The following ADGRB2 variants were observed in gnomAD, a reference collection of about 807,000 sequenced individuals.
ADGRB2 encodes the protein adhesion G protein-coupled receptor B2, also known as brain-specific angiogenesis inhibitor 2.
In ADGRB2, 47 loss-of-function variants were observed where a neutral mutation model predicts 178.7. The observed-to-expected ratio is 0.26, with a 90% CI of 0.21 to 0.34. ADGRB2 has a LOEUF of 0.34. Among genes scored for constraint, ADGRB2 ranks in the 10% least tolerant of loss-of-function variants. ADGRB2 has a pLI of 1.00. For synonymous variants in ADGRB2, 870 were observed against 912.4 expected, an observed-to-expected ratio of 0.95 and a Z score of 0.84; for missense variants, 1,584 against 2,180.8, an observed-to-expected ratio of 0.73 and a Z score of 5.45.
Position 31,759,821 on chromosome 1 carries a change from G to A in ADGRB2, c.-190-2310C>T, listed in dbSNP as rs142682696. 3.0e-4 allele frequency among the ~76,000 whole-genome samples: 45 copies of A among 152,266 alleles called. No homozygotes were observed. The highest frequency in any genetic ancestry group is 1.0e-3 in the African/African-American group (43 of 41,528). ...CCAGAGGCCTCTCCCTGAGCCACCC[G>A]GGAAGGGGACCTAGAAGGATGATCC... On this transcript the variant is annotated intron_variant, in intron 1 of 32. Coordinates refer to ENST00000373658, the MANE Select transcript of ADGRB2 (RefSeq NM_001364857.2). The surrounding 1 kb of genome is among the most constrained non-coding windows in gnomAD (Gnocchi z 4.3).
Position 31,759,298 on chromosome 1 carries a change from C to T in ADGRB2, c.-190-1787G>A, listed in dbSNP as rs556822818. 4.2e-5 allele frequency: 33 copies of T among 779,700 alleles called. No homozygotes were observed. Among genetic ancestry groups the T allele is most frequent in the South Asian group, 2.8e-4 (21 of 74,618 alleles). The allele number at this position is 779,700 out of a possible 1,614,324, so 48.3% of individuals were successfully genotyped here. On this transcript the variant is annotated intron_variant, in intron 1 of 32. Coordinates refer to ENST00000373658, the MANE Select transcript of ADGRB2 (RefSeq NM_001364857.2). The surrounding 1 kb of genome is among the most constrained non-coding windows in gnomAD (Gnocchi z 4.3). ...TTGTACACATGCACAGAGGTGCACA[C>T]GCATTCTCGACTGAGAACACACATG...
rs1456917849 is a variant in ADGRB2, at chr1:31,756,346, G to A, written c.491C>T (p.Ala164Val). ...CAGGCGCGGGGCCTCGGAGGGCTCA[G>A]CCGACAGGCACAGCTGCACGAAGTT... ...DKNFVQLCLS[A>V]EPSEAPRLLA... The change falls in exon 4 of 33, where the codon GCT becomes GTT. Residue 164 changes from alanine to valine, a missense_variant. Physicochemically the swap from Ala to Val is moderately conservative, Grantham distance 64. This residue lies in a region of ADGRB2 where 657 missense variants were observed against 847.6 expected (regional missense o/e 0.78). Transcript: ENST00000373658. This position sits in a 1 kb window ranked among gnomAD's most constrained non-coding sequence, Gnocchi z 8.5. The A allele has an allele frequency of 1.2e-6, 2 of 1,612,958 alleles. No homozygotes were observed. The highest frequency in any genetic ancestry group is 1.7e-6 in the Non-Finnish European group (2 of 1,179,968).
At position 31,737,632 on chromosome 1, in the gene ADGRB2, G is replaced by A. The variant is rs754740790; in HGVS notation, c.2876+20C>T. 169 of 1,613,058 alleles carry A rather than the reference G, an allele frequency of 1.0e-4. No individual in the cohort carries two copies. Among genetic ancestry groups the A allele is most frequent in the Non-Finnish European group, 1.4e-4 (162 of 1,179,310 alleles). On this transcript the variant is annotated intron_variant, in intron 19 of 32. Transcript: ENST00000373658. ...CCTGCCCCCCCTCCCCCAGCCACAA[G>A]AGCCAGGTGTCAGACCTACCTCCAA...
At position 31,742,077 on chromosome 1, in the gene ADGRB2, C is replaced by T. The variant is rs1444252619; in HGVS notation, c.1393G>A (p.Glu465Lys). ...TCTGALTDTR[E>K]CSNLECPATD... Reference sequence around the variant, plus strand: ...CCCGGGCACTCGAGGTTGCTGCACTCCCGGGTGTCAGTGAGGGCACCCGTG... The same window carrying T: ...CCCGGGCACTCGAGGTTGCTGCACTTCCGGGTGTCAGTGAGGGCACCCGTG... The change falls in exon 8 of 33, where the codon GAG becomes AAG. Residue 465 changes from glutamate (E) to lysine (K), a missense_variant. Coordinates refer to ENST00000373658, the MANE Select transcript of ADGRB2 (RefSeq NM_001364857.2). 5 of 1,611,854 alleles carry T rather than the reference C, an allele frequency of 3.1e-6. No individual in the cohort carries two copies. Among genetic ancestry groups the T allele is most frequent in the Non-Finnish European group, 4.2e-6 (5 of 1,178,982 alleles).
intron 1 of ADGRB2, among the ~76,000 whole-genome samples, chr1:31,762,968 G>C (rs537894660): frequency 6.6e-6 from 1 of 152,230 alleles, no homozygotes; most frequent in African/African-American, 2.4e-5. Context: ...ACTTCCCCCG[G>C]CTGTGCCCTC....
In ADGRB2 at chr1:31,743,060, C is replaced by T. The variant is rs1367669719; in HGVS notation, c.1088-58G>A. On this transcript the variant is annotated intron_variant, in intron 6 of 32. Transcript: ENST00000373658. ...GCACCATGGCCCCGCCCACCACCGG[C>T]GCCTGCCCATCCGCCCACCAATCAG... The T allele has an allele frequency of 7.4e-6, 10 of 1,346,062 alleles. No homozygotes were observed. In the South Asian group the frequency reaches 1.3e-4, roughly 17 times the overall value. 83.4% of individuals were successfully genotyped at this position (1,346,062 alleles called of 1,614,324 possible). A position where few individuals can be genotyped will look rare whatever the true frequency, so the allele number is the denominator to read the frequency against.
Position 31,740,267 on chromosome 1 carries a change from C to T in ADGRB2, c.1989+80G>A, listed in dbSNP as rs1051240224. 6.2e-7 allele frequency: 1 copy of T among 1,606,576 alleles called. No homozygotes were observed. The highest frequency in any genetic ancestry group is 8.5e-7 in the Non-Finnish European group (1 of 1,175,096). ...ATAGCCACACTTGCCGCCTCTACAGCAGACTCTGCCTAGGGGCCTGGCCTC... is the reference window on the plus strand; with the variant it reads ...ATAGCCACACTTGCCGCCTCTACAGTAGACTCTGCCTAGGGGCCTGGCCTC... On this transcript the variant is annotated intron_variant, in intron 12 of 32. Coordinates refer to ENST00000373658, the MANE Select transcript of ADGRB2 (RefSeq NM_001364857.2). The surrounding 1 kb of genome is among the most constrained non-coding windows in gnomAD (Gnocchi z 5.9).
rs149633786 is a variant in ADGRB2, at chr1:31,737,680, G to A, written c.2848C>T (p.Leu950=). ...CAVSCMALLT[L]LAIYAAFWRF... Reference sequence around the variant, plus strand: ...CAAAAGGCGGCATAGATGGCGAGCAGGGTGAGCAGCGCCATGCACGACACT... The same window carrying A: ...CAAAAGGCGGCATAGATGGCGAGCAAGGTGAGCAGCGCCATGCACGACACT... The change falls in exon 19 of 33, where the codon CTG becomes TTG. Residue 950 remains leucine (L), a synonymous_variant. Coordinates refer to ENST00000373658, the MANE Select transcript of ADGRB2 (RefSeq NM_001364857.2). 1.8e-5 allele frequency: 29 copies of A among 1,613,704 alleles called. No individual in the cohort carries two copies. In the African/African-American group the frequency reaches 3.9e-4, roughly 22 times the overall value.
At chr1:31,730,717 G>A (rs1015355625) in intron 29 of ADGRB2, 83 bp downstream of exon 29, 3 of 1,393,478 alleles carry the variant, frequency 2.2e-6, no homozygotes, top group East Asian at 2.5e-5. Context: ...GCCGCTCTGG[G>A]GAGGATGAGG....
Position 31,756,508 on chromosome 1 carries a change from A to G in ADGRB2, c.329T>C (p.Leu110Pro). 2 of 1,613,006 alleles carry G rather than the reference A, an allele frequency of 1.2e-6. No individual in the cohort carries two copies. Among genetic ancestry groups the G allele is most frequent in the South Asian group, 2.2e-5 (2 of 90,982 alleles). ...LDHYLVNFTC[L>P]RPSPEEAVAQ... is the part of the protein sequence containing the mutation. The stretch of plus-strand genomic sequence containing the variant: ...CACCGCCTCCTCGGGGCTAGGCCGC[A>G]GGCAGGTAAAGTTGACCAGGTAGTG... Residue 110 changes from leucine to proline, a missense_variant, in exon 4 of 33, where the codon CTG (leucine) becomes CCG (proline). Around this residue, in one of 3 missense-constraint regions of ADGRB2, gnomAD observed 657 missense variants for 847.6 expected, o/e 0.78. Coordinates refer to ENST00000373658, the MANE Select transcript of ADGRB2 (RefSeq NM_001364857.2). The surrounding 1 kb of genome is among the most constrained non-coding windows in gnomAD (Gnocchi z 8.5).
chr1:31,736,751 G>T, intron 20 of ADGRB2, 28 bp from the exon 21 acceptor site: 1 of 1,605,358 alleles, frequency 6.2e-7, no homozygotes, highest in Non-Finnish European at 8.5e-7. Flanking sequence ...GGGAGGGAGT[G>T]GCCCTGAGCA....
intron 7 of ADGRB2, 141 bp from the exon 8 acceptor site, chr1:31,742,358 G>A (rs1646023616): frequency 7.5e-6 from 9 of 1,193,048 alleles, no homozygotes; most frequent in Non-Finnish European, 9.2e-6. Context: ...GGGAGGGGAG[G>A]GGGTTATGAG....
rs759795809 is a variant in ADGRB2 at position 31,738,833 on chromosome 1, T to C, written c.2600A>G (p.Asn867Ser). Residue 867 changes from asparagine to serine, a missense_variant and splice_region_variant, in exon 16 of 33, where the codon AAT becomes AGT. By Grantham distance (46) the Asn-to-Ser change is conservative. Coordinates refer to ENST00000373658, the MANE Select transcript of ADGRB2 (RefSeq NM_001364857.2). ...LITVELSYII[N>S]GTTDPHCASW... ...GTCTCTGCATGGATCTCCACTCACA[T>C]TGATGATGTAGGAGAGCTCCACAGT... The C allele has an allele frequency of 1.2e-5, 19 of 1,613,798 alleles. No individual in the cohort carries two copies. The highest frequency in any genetic ancestry group is 8.0e-5 in the African/African-American group (6 of 74,914).
chr1:31,728,595 T>C lies in ADGRB2; in HGVS notation c.4416+3A>G. 4 of 1,614,012 alleles carry C rather than the reference T, an allele frequency of 2.5e-6. No individual in the cohort carries two copies. The highest frequency in any genetic ancestry group is 3.4e-6 in the Non-Finnish European group (4 of 1,179,970). On this transcript the variant is annotated splice_donor_region_variant and intron_variant, in intron 30 of 32. Coordinates refer to ENST00000373658, the MANE Select transcript of ADGRB2 (RefSeq NM_001364857.2). This position sits in a 1 kb window ranked among gnomAD's most constrained non-coding sequence, Gnocchi z 6.7. ...CACCGCCCAGCACACACATGGCCCT[T>C]ACCTCAAAGTCCAGGTCTGAATACC... is the stretch of plus-strand genomic sequence containing the variant.
At position 31,735,112 on chromosome 1, in the gene ADGRB2, A is replaced by G; in HGVS notation, c.3452+71T>C. 2.6e-6 allele frequency: 1 copy of G among 386,522 alleles called. No individual in the cohort carries two copies. The highest frequency in any genetic ancestry group is 3.3e-5 in the South Asian group (1 of 30,146). The allele number at this position is 386,522 out of a possible 1,614,324, so 23.9% of individuals were successfully genotyped here. ...GGCTGATATCCCTCCTCCTCCCCCC[A>G]CCATGGGCACTGCCCCCCCCAATTC... On this transcript the variant is annotated intron_variant, in intron 25 of 32. Transcript: ENST00000373658. This position sits in a 1 kb window ranked among gnomAD's most constrained non-coding sequence, Gnocchi z 6.0.
rs1034758216 is a variant in ADGRB2, at chr1:31,758,786, C to A, written c.-190-1275G>T. Reference sequence around the variant, plus strand: ...GCCAGACAGGCTGTGCCTCTCCCCCCAACCACCCACCCTCCTCCTCAGAGC... The same window carrying A: ...GCCAGACAGGCTGTGCCTCTCCCCCAAACCACCCACCCTCCTCCTCAGAGC... On this transcript the variant is annotated intron_variant, in intron 1 of 32. Coordinates refer to ENST00000373658, the MANE Select transcript of ADGRB2 (RefSeq NM_001364857.2). The surrounding 1 kb of genome is among the most constrained non-coding windows in gnomAD (Gnocchi z 4.2). The A allele has an allele frequency of 3.7e-5, 6 of 161,414 alleles. No individual in the cohort carries two copies. The highest frequency in any genetic ancestry group is 5.1e-4 in the Middle Eastern group (1 of 1,962). 10.0% of individuals were successfully genotyped at this position (161,414 alleles called of 1,614,324 possible). A position where few individuals can be genotyped will look rare whatever the true frequency, so the allele number is the denominator to read the frequency against.
Position 31,744,589 on chromosome 1 carries a change from C to T in ADGRB2, c.922+59G>A, listed in dbSNP as rs1451114381. 1 of 1,579,362 alleles carries T rather than the reference C, an allele frequency of 6.3e-7. No individual in the cohort carries two copies. The highest frequency in any genetic ancestry group is 8.7e-7 in the Non-Finnish European group (1 of 1,155,264). On this transcript the variant is annotated intron_variant, in intron 5 of 32. Transcript: ENST00000373658. This position sits in a 1 kb window ranked among gnomAD's most constrained non-coding sequence, Gnocchi z 6.7. ...GACAGGCACACACCAAGCACACACA[C>T]CACCAGACGCACACAGTCGGGCCCC... is the stretch of plus-strand genomic sequence containing the variant.
chr1:31,736,752 GC>G (rs750013120), intron 20 of ADGRB2, 29 bp from the exon 21 acceptor site: 2 of 1,603,238 alleles, frequency 1.2e-6, no homozygotes, highest in Non-Finnish European at 1.7e-6. Flanking sequence ...GGAGGGAGTG[GC>G]CCTGAGCAGC....
At chr1:31,739,254 A>T in intron 15 of ADGRB2, 54 bp downstream of exon 15, 1 of 1,425,942 alleles carries the variant, frequency 7.0e-7, no homozygotes, top group Non-Finnish European at 9.2e-7. Context: ...TCCTTCCCTT[A>T]CCTGGGCCTT....
Sources: gnomAD v4.1 joint callset for allele counts (sites outside exome capture counted in the v4.1 genomes callset) on GRCh38, gnomAD v4.1.1 for gene constraint, gnomAD v4.1.1 regional missense constraint, Gnocchi (gnomAD v3.1) non-coding constraint, MANE v1.5 for transcripts, NCBI Gene and HGNC (gene_info 2026-07-23, HGNC 2026-07-21) for gene names.